Variants in ST14 observed in about 807,000 individuals in gnomAD.
ST14 encodes ST14 transmembrane serine protease matriptase.
A neutral mutation model predicts 96.5 loss-of-function variants in ST14; 40 were observed. The observed-to-expected ratio is 0.41, with a 90% CI of 0.32 to 0.54. The LOEUF is 0.54. ST14 is among the 20% of genes least tolerant of loss of function. The probability of loss-of-function intolerance (pLI) is 0.17; values close to 1 mark genes in which losing one functional copy is unlikely to be tolerated. For missense variants in ST14, 1,066 were observed against 1,188.9 expected, an observed-to-expected ratio of 0.90 and a Z score of 1.52; for synonymous variants, 506 against 492.1, an observed-to-expected ratio of 1.03 and a Z score of -0.37.
intron 1 of ST14, among the ~76,000 whole-genome samples, chr11:130,176,347 C>T (rs1175553133): frequency 5.9e-5 from 9 of 152,006 alleles, no homozygotes; most frequent in Non-Finnish European, 1.3e-4. Flanking sequence ...TTAAAAGTTA[C>T]CCCTGACAGG....
intron 16 of ST14, among the ~76,000 whole-genome samples, chr11:130,205,793 G>C (rs1953481015): frequency 6.9e-6 from 1 of 145,630 alleles, no homozygotes; most frequent in Non-Finnish European, 1.5e-5. Flanking sequence ...CCACCTCCCA[G>C]GTTCAGGTGA....
chr11:130,209,443 C>T lies in ST14; in HGVS notation c.2271C>T (p.Gly757=). The T allele has an allele frequency of 6.3e-7, 1 of 1,581,184 alleles. No individual in the cohort carries two copies. The highest frequency in any genetic ancestry group is 1.2e-5 in the South Asian group (1 of 86,550). ...VTGWGHTQYG[G]TGALILQKGE... The stretch of plus-strand genomic sequence containing the variant: ...AGCCCCGTCCTGCCCTCTCCCCAGG[C>T]ACTGGCGCGCTGATCCTGCAAAAGG... Residue 757 remains glycine, a splice_region_variant and synonymous_variant, in exon 18 of 19, where the codon GGC becomes GGT. Coordinates refer to ENST00000278742, the MANE Select transcript of ST14 (RefSeq NM_021978.4).
chr11:130,199,541 C>T (rs920060370), intron 15 of ST14, among the ~76,000 whole-genome samples: 1 of 152,192 alleles, frequency 6.6e-6, no homozygotes, highest in East Asian at 1.9e-4. Flanking sequence ...GTTCATTCGT[C>T]CCTCTCAGAG....
intron 16 of ST14, among the ~76,000 whole-genome samples, chr11:130,203,302 G>A (rs767233092): frequency 1.9e-4 from 29 of 152,252 alleles, no homozygotes; most frequent in Non-Finnish European, 2.5e-4. Context: ...CTACATGCTC[G>A]CCTCCTGGGT....
At chr11:130,180,788 T>C (rs1341118487) in intron 1 of ST14, among the ~76,000 whole-genome samples, 1 of 152,250 alleles carries the variant, frequency 6.6e-6, no homozygotes, top group Non-Finnish European at 1.5e-5. Flanking sequence ...TCCTATATTA[T>C]CAAATAAAAT....
In ST14 at chr11:130,188,503, G is replaced by T; in HGVS notation, c.242-27G>T. On this transcript the variant is annotated intron_variant, in intron 2 of 18. Coordinates refer to ENST00000278742, the MANE Select transcript of ST14 (RefSeq NM_021978.4). The surrounding 1 kb of genome is among the most constrained non-coding windows in gnomAD (Gnocchi z 5.4). ...AGGCGGGGGTGGTACCACCTCCCCT[G>T]ACTGAGCGCCTTCTGGTCTCACACA... The T allele has an allele frequency of 6.2e-7, 1 of 1,611,554 alleles. No individual in the cohort carries two copies. Among genetic ancestry groups the T allele is most frequent in the South Asian group, 1.1e-5 (1 of 90,998 alleles).
chr11:130,203,251 G>T (rs942277216), intron 16 of ST14, among the ~76,000 whole-genome samples: 1 of 152,114 alleles, frequency 6.6e-6, no homozygotes, highest in African/African-American at 2.4e-5. Context: ...GAGGGACAAG[G>T]ATGGCTCTCC....
intron 11 of ST14, among the ~76,000 whole-genome samples, chr11:130,197,015 GATC>G (rs1953374136): frequency 6.6e-6 from 1 of 152,154 alleles, no homozygotes; most frequent in Non-Finnish European, 1.5e-5. Flanking sequence ...CCGTGACTTT[GATC>G]ATCTGTGCTT....
At chr11:130,208,343 C>T (rs1163484734) in intron 16 of ST14, 67 bp from the exon 17 acceptor site, 18 of 1,608,686 alleles carry the variant, frequency 1.1e-5, no homozygotes, top group Admixed American at 3.3e-5. Context: ...TGGGAACGCG[C>T]GGGGCCGCGA....
Position 130,208,424 on chromosome 11 carries a change from C to A in ST14, c.2009C>A (p.Thr670Lys), listed in dbSNP as rs780142655. 5.6e-6 allele frequency: 9 copies of A among 1,614,104 alleles called. No individual in the cohort carries two copies. In the South Asian group the frequency reaches 8.8e-5, roughly 16 times the overall value. The change falls in exon 17 of 19, where the codon ACG (threonine) becomes AAG (lysine). Residue 670 changes from threonine to lysine, a missense_variant. Thr to Lys is a moderately conservative substitution (Grantham distance 78). Coordinates refer to ENST00000278742, the MANE Select transcript of ST14 (RefSeq NM_021978.4). Reference sequence around the variant, plus strand: ...CTCCCTACCAGGTACTCAGACCCCACGCAGTGGACGGCCTTCCTGGGCTTG... The same window carrying A: ...CTCCCTACCAGGTACTCAGACCCCAAGCAGTGGACGGCCTTCCTGGGCTTG... Reference protein sequence around the residue: ...DDRGFRYSDPTQWTAFLGLHD... With the variant: ...DDRGFRYSDPKQWTAFLGLHD...
At chr11:130,195,364 C>T (rs1394101121) in intron 9 of ST14, among the ~76,000 whole-genome samples, 1 of 152,152 alleles carries the variant, frequency 6.6e-6, no homozygotes, top group African/African-American at 2.4e-5. Flanking sequence ...AGCTCCTTGT[C>T]AGGTGATGGA....
intron 1 of ST14, among the ~76,000 whole-genome samples, chr11:130,170,149 G>A (rs1007833930): frequency 1.3e-5 from 2 of 152,182 alleles, no homozygotes; most frequent in African/African-American, 4.8e-5. Context: ...ATCCGGCAAA[G>A]TCGAACTTTA....
At chr11:130,205,577 C>T (rs1429474509) in intron 16 of ST14, among the ~76,000 whole-genome samples, 1 of 152,138 alleles carries the variant, frequency 6.6e-6, no homozygotes. Context: ...GTGCCTCGGC[C>T]TGTGTCTCCA....
chr11:130,189,610 G>A, intron 4 of ST14, 129 bp from the exon 5 acceptor site: 1 of 1,215,862 alleles, frequency 8.2e-7, no homozygotes, highest in Non-Finnish European at 1.2e-6. Context: ...AAGAGGAGCT[G>A]GGGAAGGGCC....
At chr11:130,182,775 G>A (rs1410120266) in intron 1 of ST14, among the ~76,000 whole-genome samples, 1 of 150,318 alleles carries the variant, frequency 6.7e-6, no homozygotes, top group Non-Finnish European at 1.5e-5. Flanking sequence ...TCAGCCTCCC[G>A]AATAGCTGGG....
Position 130,187,386 on chromosome 11 carries a change from TGTC to T in ST14, c.82-727_82-725del, listed in dbSNP as rs1393620684. On this transcript the variant is annotated intron_variant, in intron 1 of 18. Coordinates refer to ENST00000278742, the MANE Select transcript of ST14 (RefSeq NM_021978.4). This position sits in a 1 kb window ranked among gnomAD's most constrained non-coding sequence, Gnocchi z 4.5. ...GAGGAACCCGGGGAAGTTGCCATCC[TGTC>T]TTTTGGGCGTTTGGTTTGCTTGCTT... Among the ~76,000 whole-genome samples the T allele has an allele frequency of 6.6e-6, 1 of 152,212 alleles. No homozygotes were observed. Among genetic ancestry groups the T allele is most frequent in the African/African-American group, 2.4e-5 (1 of 41,468 alleles).
chr11:130,171,986 G>A (rs1953096117), intron 1 of ST14, among the ~76,000 whole-genome samples: 1 of 152,226 alleles, frequency 6.6e-6, no homozygotes, highest in Admixed American at 6.5e-5. Context: ...AGTTTCTGAT[G>A]TTGGCAGAGG....
Position 130,208,504 on chromosome 11 carries a change from A to G in ST14, c.2089A>G (p.Ile697Val), listed in dbSNP as rs763255968. 1 of 1,614,216 alleles carries G rather than the reference A, an allele frequency of 6.2e-7. No individual in the cohort carries two copies. The highest frequency in any genetic ancestry group is 1.7e-5 in the Admixed American group (1 of 60,032). ...PGVQERRLKR[I>V]ISHPFFNDFT... ...GGTGCAGGAGCGCAGGCTCAAGCGC[A>G]TCATCTCCCACCCCTTCTTCAATGA... Residue 697 changes from isoleucine (I) to valine (V), a missense_variant, in exon 17 of 19, where the codon ATC becomes GTC. Coordinates refer to ENST00000278742, the MANE Select transcript of ST14 (RefSeq NM_021978.4).
Position 130,188,983 on chromosome 11 carries a change from C to A in ST14, c.440+44C>A. ...CTCAGTGGGATGCACCCCAGACTGG[C>A]TGGGAGTAGGATCGGGGTACAGTGT... On this transcript the variant is annotated intron_variant, in intron 4 of 18. Transcript: ENST00000278742. The surrounding 1 kb of genome is among the most constrained non-coding windows in gnomAD (Gnocchi z 5.4). The A allele has an allele frequency of 6.3e-7, 1 of 1,576,040 alleles. No homozygotes were observed. The highest frequency in any genetic ancestry group is 1.2e-5 in the South Asian group (1 of 86,774).
Sources: allele counts gnomAD v4.1 joint callset (sites outside exome capture counted in the v4.1 genomes callset), GRCh38; gene constraint gnomAD v4.1.1; non-coding constraint Gnocchi (gnomAD v3.1); transcripts MANE v1.5; gene names NCBI Gene and HGNC (gene_info 2026-07-23, HGNC 2026-07-21).